FNDC3A: variants seen among roughly 807,000 people sequenced by gnomAD.
The protein encoded by FNDC3A is fibronectin type III domain containing 3A.
A neutral mutation model predicts 148.9 loss-of-function variants in FNDC3A; 32 were observed. That is an observed-to-expected ratio of 0.21 (90% confidence interval 0.16 to 0.29). FNDC3A has a LOEUF of 0.29. Among genes scored for constraint, FNDC3A ranks in the 10% least tolerant of loss-of-function variants. The pLI is 1.00. For synonymous variants in FNDC3A, 472 were observed against 473.6 expected (o/e 1.00, Z 0.04); for missense variants, 1,191 against 1,452.8 (o/e 0.82, Z 2.93).
At chr13:49,189,828 A>G (rs1447571027) in intron 17 of FNDC3A, among the ~76,000 whole-genome samples, 1 of 152,234 alleles carries the variant, frequency 6.6e-6, no homozygotes, top group Non-Finnish European at 1.5e-5. Flanking sequence ...TTTTGTGTTT[A>G]AAAAGAATGT....
chr13:48,976,606 G>A (rs1230607689), intron 1 of FNDC3A: 1 of 152,276 alleles, frequency 6.6e-6, no homozygotes, highest in Non-Finnish European at 1.5e-5. Flanking sequence ...GGGGGCGGGG[G>A]CTGGGGCGGA....
chr13:49,112,161 T>A (rs1880619676), intron 3 of FNDC3A, among the ~76,000 whole-genome samples: 1 of 152,196 alleles, frequency 6.6e-6, no homozygotes, highest in Non-Finnish European at 1.5e-5. Context: ...TGACAGCATA[T>A]AAAAGGACCC....
rs767445809 is a variant in FNDC3A, at chr13:49,110,419, GTTTTCGAACATTCTGCTTTTATT to G, written c.176-4233_176-4211del. The G allele has an allele frequency of 4.0e-6, 6 of 1,516,272 alleles. No homozygotes were observed. In the African/African-American group the frequency reaches 8.2e-5, roughly 21 times the overall value. The allele number at this position is 1,516,272 out of a possible 1,614,324, so 93.9% of individuals were successfully genotyped here. A position where few individuals can be genotyped will look rare whatever the true frequency, so the allele number is the denominator to read the frequency against. On this transcript the variant is annotated intron_variant, in intron 3 of 25. Transcript: ENST00000492622. ...AACGAAATGAGTGGTAAGATTTGCT[GTTTTCGAACATTCTGCTTTTATT>G]TTAAGACAGAAAGCATTGTATTAAT...
chr13:49,112,406 G>T (rs144008794), intron 3 of FNDC3A, among the ~76,000 whole-genome samples: 1 of 152,112 alleles, frequency 6.6e-6, no homozygotes, highest in African/African-American at 2.4e-5. Flanking sequence ...GGAGCTAAAA[G>T]GTGAGTTTTG....
chr13:49,114,541 G>A (rs1880806078), intron 3 of FNDC3A, 114 bp from the exon 4 acceptor site: 1 of 634,028 alleles, frequency 1.6e-6, no homozygotes, highest in South Asian at 2.1e-5. Flanking sequence ...TAAAAATGTA[G>A]TTACTGTTGG....
chr13:49,039,668 T>C (rs1874771197), intron 2 of FNDC3A, among the ~76,000 whole-genome samples: 1 of 152,194 alleles, frequency 6.6e-6, no homozygotes, highest in Admixed American at 6.5e-5. Context: ...TATTTATAAC[T>C]TTAATCAGTG....
intron 8 of FNDC3A, among the ~76,000 whole-genome samples, chr13:49,159,521 G>C (rs866142380): frequency 6.4e-4 from 98 of 152,326 alleles, no homozygotes; most frequent in African/African-American, 2.0e-3. Flanking sequence ...GTTTCGGGCT[G>C]AGACACTGGG....
At chr13:49,030,018 GAATTCC>G (rs1431896020) in intron 2 of FNDC3A, among the ~76,000 whole-genome samples, 1 of 152,114 alleles carries the variant, frequency 6.6e-6, no homozygotes, top group Non-Finnish European at 1.5e-5. Flanking sequence ...CTTTTTTGGT[GAATTCC>G]ACCAAATGTT....
intron 3 of FNDC3A, among the ~76,000 whole-genome samples, chr13:49,094,790 C>T (rs765805111): frequency 2.4e-4 from 37 of 152,178 alleles, no homozygotes; most frequent in Non-Finnish European, 4.7e-4. Context: ...AGGACACTTA[C>T]AGGGTGAGCC....
chr13:49,075,135 A>G (rs1040743930), intron 2 of FNDC3A, among the ~76,000 whole-genome samples, 154 bp from the exon 3 acceptor site: 3 of 151,546 alleles, frequency 2.0e-5, no homozygotes, highest in African/African-American at 7.3e-5. Context: ...GTGATGTCAC[A>G]TTTTTTTTAG....
intron 8 of FNDC3A, among the ~76,000 whole-genome samples, chr13:49,159,277 G>A (rs1883932658): frequency 6.6e-6 from 1 of 152,248 alleles, no homozygotes. Context: ...CCATTTGTTT[G>A]TGTCCTCTTT....
intron 2 of FNDC3A, among the ~76,000 whole-genome samples, chr13:49,027,700 A>ACTTTTG (rs1873822360): frequency 6.6e-6 from 1 of 152,154 alleles, no homozygotes; most frequent in African/African-American, 2.4e-5. Context: ...AATAACTCAA[A>ACTTTTG]AGAATATTGT....
chr13:48,995,027 C>A (rs1951998429), intron 1 of FNDC3A, among the ~76,000 whole-genome samples: 1 of 152,078 alleles, frequency 6.6e-6, no homozygotes, highest in African/African-American at 2.4e-5. Flanking sequence ...AGAATGAAAT[C>A]ATCACTTATT....
chr13:49,006,722 G>T (rs1279145873), intron 2 of FNDC3A, among the ~76,000 whole-genome samples: 1 of 151,856 alleles, frequency 6.6e-6, no homozygotes, highest in Non-Finnish European at 1.5e-5. Flanking sequence ...AAAGCTGATA[G>T]ATTTTTTTCC....
intron 1 of FNDC3A, among the ~76,000 whole-genome samples, chr13:48,979,871 T>C (rs1951667185): frequency 6.6e-6 from 1 of 152,182 alleles, no homozygotes; most frequent in South Asian, 2.1e-4. Context: ...TTTACATTGT[T>C]GTCTCAAGAG....
At chr13:49,085,883 T>G (rs1878774440) in intron 3 of FNDC3A, among the ~76,000 whole-genome samples, 1 of 151,798 alleles carries the variant, frequency 6.6e-6, no homozygotes, top group African/African-American at 2.4e-5. Flanking sequence ...ATCCTTTTTT[T>G]TTTTTTTTTT....
chr13:49,009,263 G>A (rs1593464221), intron 2 of FNDC3A, among the ~76,000 whole-genome samples: 1 of 152,256 alleles, frequency 6.6e-6, no homozygotes, highest in African/African-American at 2.4e-5. Flanking sequence ...TAGCAGTATG[G>A]TGTAGGTAAT....
chr13:49,206,019 GC>G (rs1886627579), intron 25 of FNDC3A, among the ~76,000 whole-genome samples: 1 of 152,124 alleles, frequency 6.6e-6, no homozygotes, highest in South Asian at 2.1e-4. Flanking sequence ...CTGACTTGTA[GC>G]CCACCAACTA....
intron 2 of FNDC3A, among the ~76,000 whole-genome samples, chr13:49,068,821 A>G (rs1400300192): frequency 1.3e-5 from 2 of 152,154 alleles, no homozygotes; most frequent in Non-Finnish European, 1.5e-5. Context: ...CAAATACAAC[A>G]TGTTCTTACT....
Sources: allele counts gnomAD v4.1 joint callset (sites outside exome capture counted in the v4.1 genomes callset), GRCh38; gene constraint gnomAD v4.1.1; transcripts MANE v1.5; gene names NCBI Gene and HGNC (gene_info 2026-07-23, HGNC 2026-07-21).